EDEM2: variants seen among roughly 807,000 people sequenced by gnomAD.
EDEM2 encodes the protein ER degradation enhancing alpha-mannosidase like protein 2.
A neutral mutation model predicts 64.8 loss-of-function variants in EDEM2; 39 were observed. The observed-to-expected ratio is 0.60, with a 90% CI of 0.47 to 0.79. EDEM2 has a LOEUF of 0.79. Among genes scored for constraint, EDEM2 ranks in the 30% least tolerant of loss-of-function variants. The pLI is 0.00. For missense variants in EDEM2, 609 were observed against 731.3 expected, an observed-to-expected ratio of 0.83 and a Z score of 1.93; for synonymous variants, 296 against 291.5, an observed-to-expected ratio of 1.02 and a Z score of -0.16.
chr20:35,141,119 C>CAA (rs58702725), intron 4 of EDEM2, among the ~76,000 whole-genome samples: 375 of 29,340 alleles, frequency 0.013, 63 homozygotes, highest in African/African-American at 0.029. Context: ...GACTCCGCCT[C>CAA]AAAAAAAAAA....
At chr20:35,130,172 A>G (rs1037955533) in intron 7 of EDEM2, among the ~76,000 whole-genome samples, 1 of 152,116 alleles carries the variant, frequency 6.6e-6, no homozygotes, top group African/African-American at 2.4e-5. Flanking sequence ...AGGGTCAAGC[A>G]ATCCTTCACC....
chr20:35,134,222 T>C (rs2085543933), intron 6 of EDEM2: 4 of 445,326 alleles, frequency 9.0e-6, no homozygotes, highest in Admixed American at 5.0e-5. Flanking sequence ...CAAAGTTGAA[T>C]AGATTTCTTT....
intron 4 of EDEM2, among the ~76,000 whole-genome samples, chr20:35,138,300 C>T (rs1444718430): frequency 6.6e-6 from 1 of 152,158 alleles, no homozygotes; most frequent in Non-Finnish European, 1.5e-5. Context: ...GGAACAGTGG[C>T]TATTTTTTGT....
At chr20:35,140,428 A>G (rs904232481) in intron 4 of EDEM2, among the ~76,000 whole-genome samples, 1 of 152,176 alleles carries the variant, frequency 6.6e-6, no homozygotes, top group Non-Finnish European at 1.5e-5. Flanking sequence ...AGGTGAGCCA[A>G]GATCGCGCCA....
intron 10 of EDEM2, 131 bp downstream of exon 10, chr20:35,118,467 G>A (rs1363660483): frequency 7.3e-7 from 1 of 1,364,788 alleles, no homozygotes; most frequent in Non-Finnish European, 1.0e-6. Flanking sequence ...TGTAAAATAT[G>A]AGCATTATGT....
intron 7 of EDEM2, among the ~76,000 whole-genome samples, chr20:35,126,703 G>C (rs1056803204): frequency 2.6e-5 from 4 of 152,034 alleles, no homozygotes; most frequent in Admixed American, 6.6e-5. Context: ...ACCTGAGATT[G>C]GGAGTTCGAG....
At chr20:35,141,019 C>G (rs6058190) in intron 4 of EDEM2, among the ~76,000 whole-genome samples, 1 of 148,170 alleles carries the variant, frequency 6.7e-6, no homozygotes, top group Non-Finnish European at 1.5e-5. Context: ...ACATAGGAGG[C>G]TGAGACAGGA....
At chr20:35,125,085 A>G (rs1485228272) in intron 8 of EDEM2, among the ~76,000 whole-genome samples, 1 of 152,202 alleles carries the variant, frequency 6.6e-6, no homozygotes, top group Admixed American at 6.5e-5. Context: ...CTTCCTAAAC[A>G]AAATTCTTGG....
intron 10 of EDEM2, among the ~76,000 whole-genome samples, chr20:35,117,940 T>C (rs1049401087): frequency 9.9e-5 from 15 of 152,198 alleles, no homozygotes; most frequent in African/African-American, 3.1e-4. Context: ...ACCCAAACTC[T>C]TTCCTGTGGC....
intron 9 of EDEM2, among the ~76,000 whole-genome samples, chr20:35,120,115 G>A (rs912214923): frequency 6.6e-6 from 1 of 152,184 alleles, no homozygotes; most frequent in African/African-American, 2.4e-5. Context: ...CCAGGCTGGA[G>A]TGCCATGGTG....
At chr20:35,139,798 C>T (rs376348166) in intron 4 of EDEM2, among the ~76,000 whole-genome samples, 7 of 151,688 alleles carry the variant, frequency 4.6e-5, no homozygotes, top group African/African-American at 1.2e-4. Context: ...GTGATGGGCA[C>T]GTCTGGTTCA....
At chr20:35,118,818 C>A in intron 9 of EDEM2, 99 bp from the exon 10 acceptor site, 1 of 1,509,118 alleles carries the variant, frequency 6.6e-7, no homozygotes, top group Non-Finnish European at 8.9e-7. Flanking sequence ...CATATCTTGT[C>A]CATAAGGCCC....
intron 4 of EDEM2, among the ~76,000 whole-genome samples, chr20:35,138,933 T>C (rs1456237549): frequency 6.6e-6 from 1 of 152,092 alleles, no homozygotes; most frequent in African/African-American, 2.4e-5. Flanking sequence ...TACAGCTAAA[T>C]AGATATCCTG....
rs2085741974 is a variant in EDEM2 at position 35,146,936 on chromosome 20, C to T, written c.108-1G>A. The stretch of plus-strand genomic sequence containing the variant: ...GTAGAACATGGCCTTGACTCGCTCC[C>T]TGGGTGGGGGACGAGAAATCAGGCA... On this transcript the variant is annotated splice_acceptor_variant, in intron 1 of 10. Transcript: ENST00000374492. LOFTEE classifies it high-confidence loss of function. 2 of 1,612,574 alleles carry T rather than the reference C, an allele frequency of 1.2e-6. No individual in the cohort carries two copies. The highest frequency in any genetic ancestry group is 2.2e-5 in the South Asian group (2 of 90,756).
chr20:35,146,708 G>A (rs2085737684), intron 2 of EDEM2, 117 bp downstream of exon 2: 1 of 1,119,702 alleles, frequency 8.9e-7, no homozygotes, highest in Non-Finnish European at 1.3e-6. Context: ...CTCTAGCTCA[G>A]CTGGGAGCTT....
intron 6 of EDEM2, among the ~76,000 whole-genome samples, chr20:35,133,691 T>C (rs1175250958): frequency 1.4e-4 from 21 of 152,058 alleles, no homozygotes. Flanking sequence ...GGTCTCGAAC[T>C]CCCAATCTCA....
chr20:35,125,662 G>A (rs2085423076), intron 8 of EDEM2, among the ~76,000 whole-genome samples: 1 of 152,142 alleles, frequency 6.6e-6, no homozygotes, highest in South Asian at 2.1e-4. Context: ...GGGATTATAG[G>A]CCTGAGCCAC....
chr20:35,117,470 C>T (rs1278807895), intron 10 of EDEM2, among the ~76,000 whole-genome samples: 1 of 152,160 alleles, frequency 6.6e-6, no homozygotes, highest in Non-Finnish European at 1.5e-5. Context: ...GCTTCATGTT[C>T]ATGGAAATGA....
Position 35,115,951 on chromosome 20 carries a change from G to A in EDEM2, c.1237-18C>T, listed in dbSNP as rs2146082581. 1 of 1,606,960 alleles carries A rather than the reference G, an allele frequency of 6.2e-7. No individual in the cohort carries two copies. The highest frequency in any genetic ancestry group is 8.5e-7 in the Non-Finnish European group (1 of 1,175,950). On this transcript the variant is annotated intron_variant, in intron 10 of 10. Coordinates refer to ENST00000374492, the MANE Select transcript of EDEM2 (RefSeq NM_018217.3). ...TCTTTGATCTGACATGTGGGAGAAGGAAGCAAGCTGGAACACCATCACAAT... is the reference window on the plus strand; with the variant it reads ...TCTTTGATCTGACATGTGGGAGAAGAAAGCAAGCTGGAACACCATCACAAT...
Sources: gnomAD v4.1 joint callset for allele counts (sites outside exome capture counted in the v4.1 genomes callset) on GRCh38, gnomAD v4.1.1 for gene constraint, MANE v1.5 for transcripts, NCBI Gene and HGNC (gene_info 2026-07-23, HGNC 2026-07-21) for gene names.